The following ACYP2 variants were observed in gnomAD, a reference collection of about 807,000 sequenced individuals.
ACYP2 encodes the protein acylphosphatase-2.
Under a neutral mutation model 11.2 loss-of-function variants are expected in ACYP2, and 12 were observed. The observed-to-expected ratio is 1.08, with a 90% confidence interval of 0.69 to 1.74. The LOEUF (loss-of-function observed/expected upper bound fraction) is 1.74. Ranked by LOEUF, ACYP2 falls within the 40% of genes most tolerant of loss-of-function variation. The pLI is 0.00. For synonymous variants in ACYP2, 43 were observed against 32.2 expected (o/e 1.33, Z -1.13); for missense variants, 134 against 101.9 (o/e 1.31, Z -1.35).
intron 4 of ACYP2, among the ~76,000 whole-genome samples, chr2:54,067,031 C>T (rs1676786454): frequency 6.6e-6 from 1 of 152,174 alleles, no homozygotes; most frequent in African/African-American, 2.4e-5. Context: ...ATGTCAGAGC[C>T]TCTGTCTCCT....
chr2:54,065,986 G>T (rs560390536), intron 4 of ACYP2: 1 of 152,584 alleles, frequency 6.6e-6, no homozygotes, highest in East Asian at 1.9e-4. Context: ...ATTTTTATTT[G>T]TTGTGCACTT....
chr2:54,016,825 A>C (rs1673712320), intron 2 of ACYP2, among the ~76,000 whole-genome samples: 1 of 148,642 alleles, frequency 6.7e-6, no homozygotes, highest in Admixed American at 6.9e-5. Context: ...TCCTGGGTTC[A>C]CGCCATTCTC....
chr2:54,114,239 G>A (rs1272923463), intron 4 of ACYP2, among the ~76,000 whole-genome samples: 1 of 152,152 alleles, frequency 6.6e-6, no homozygotes, highest in Non-Finnish European at 1.5e-5. Flanking sequence ...CTAGAAGGTG[G>A]CAGATTATCA....
At chr2:54,145,645 C>G (rs1290813472) in intron 6 of ACYP2, among the ~76,000 whole-genome samples, 1 of 151,948 alleles carries the variant, frequency 6.6e-6, no homozygotes, top group African/African-American at 2.4e-5. Flanking sequence ...GTATTTAAAG[C>G]AAATTTCCGG....
chr2:54,017,058 C>T (rs1373542675), intron 2 of ACYP2, among the ~76,000 whole-genome samples: 1 of 145,424 alleles, frequency 6.9e-6, no homozygotes, highest in Non-Finnish European at 1.5e-5. Flanking sequence ...CTTGCTGATT[C>T]TCACATGGCA....
At chr2:54,068,234 A>G (rs1200012214) in intron 4 of ACYP2, among the ~76,000 whole-genome samples, 2 of 152,208 alleles carry the variant, frequency 1.3e-5, no homozygotes, top group East Asian at 3.9e-4. Context: ...GGGTTTGTAC[A>G]GTCCTATCCA....
rs1684570582 is a variant in ACYP2, at chr2:54,197,940, T to TTG, written c.404+59193_404+59194insGT. On this transcript the variant is annotated intron_variant, in intron 6 of 6. Coordinates refer to ENST00000607452, the MANE Select transcript of ACYP2 (RefSeq NM_001320586.2). Reference sequence around the variant, plus strand: ...TTATTTTATTTTATTTATGTATGTATTATATTGTATTGTATTGTATTGTAT... The same window carrying TTG: ...TTATTTTATTTTATTTATGTATGTATTGTATATTGTATTGTATTGTATTGTAT... Among the ~76,000 whole-genome samples the TTG allele has an allele frequency of 2.2e-3, 167 of 75,554 alleles. 4 individuals carry two copies. Among genetic ancestry groups the TTG allele is most frequent in the East Asian group, 5.2e-3 (14 of 2,684 alleles). 49.6% of individuals were successfully genotyped at this position (75,554 alleles called of 152,430 possible).
At chr2:54,266,165 A>G (rs988676679) in intron 6 of ACYP2, among the ~76,000 whole-genome samples, 2 of 152,222 alleles carry the variant, frequency 1.3e-5, no homozygotes, top group African/African-American at 4.8e-5. Flanking sequence ...GAAACCTCAT[A>G]TACTAGAACT....
chr2:54,058,351 G>A (rs1046798157), intron 4 of ACYP2, among the ~76,000 whole-genome samples: 3 of 148,324 alleles, frequency 2.0e-5, no homozygotes, highest in African/African-American at 7.4e-5. Flanking sequence ...CCTCAGCTGT[G>A]CTTCCCAGGG....
At chr2:54,105,668 T>C (rs1679117830) in intron 4 of ACYP2, among the ~76,000 whole-genome samples, 1 of 151,950 alleles carries the variant, frequency 6.6e-6, no homozygotes. Flanking sequence ...CTAATTTTTG[T>C]ATTTTTTGTG....
rs557751764 is a variant in ACYP2 at position 54,107,863 on chromosome 2, G to A, written c.278-27590G>A. On this transcript the variant is annotated intron_variant, in intron 4 of 6. Transcript: ENST00000607452. ...TTTACTGCAGAACTGGGCCATCAAG[G>A]GATCTACTGATCCTGCAATAGGAAA... Among the ~76,000 whole-genome samples the A allele has an allele frequency of 7.9e-5, 12 of 152,242 alleles. 1 individual carries two copies. In the South Asian group the frequency reaches 2.5e-3, roughly 32 times the overall value.
intron 4 of ACYP2, among the ~76,000 whole-genome samples, chr2:54,099,148 T>C (rs1017291427): frequency 3.3e-5 from 5 of 152,260 alleles, no homozygotes; most frequent in African/African-American, 1.2e-4. Context: ...CTGTTTCTTG[T>C]TTATTTTTTA....
chr2:54,060,924 C>G (rs190044040), intron 4 of ACYP2, among the ~76,000 whole-genome samples: 1 of 152,144 alleles, frequency 6.6e-6, no homozygotes, highest in East Asian at 1.9e-4. Context: ...TATTCATTTC[C>G]TACCTGCCCT....
rs148297219 is a variant in ACYP2 at position 54,069,330 on chromosome 2, T to TC, written c.277+11973dup. ...GCCTGAAATTTCTCACCCCCTACTTTCCCAAGAACTTGCATAAACATCTCC... is the reference window on the plus strand; with the variant it reads ...GCCTGAAATTTCTCACCCCCTACTTTCCCCAAGAACTTGCATAAACATCTCC... On this transcript the variant is annotated intron_variant, in intron 4 of 6. Coordinates refer to ENST00000607452, the MANE Select transcript of ACYP2 (RefSeq NM_001320586.2). Among the ~76,000 whole-genome samples, 1,454 of 152,060 alleles carry TC rather than the reference T, an allele frequency of 9.6e-3. 19 individuals carry two copies. Among genetic ancestry groups the TC allele is most frequent in the African/African-American group, 0.032 (1,331 of 41,480 alleles).
At chr2:54,071,015 G>A (rs1033524374) in intron 4 of ACYP2, among the ~76,000 whole-genome samples, 4 of 152,084 alleles carry the variant, frequency 2.6e-5, no homozygotes, top group Non-Finnish European at 5.9e-5. Context: ...GCCTCCCAAA[G>A]TGCTGGGATT....
chr2:54,083,916 C>A (rs1007993585), intron 4 of ACYP2, among the ~76,000 whole-genome samples: 2 of 151,968 alleles, frequency 1.3e-5, no homozygotes, highest in Non-Finnish European at 2.9e-5. Context: ...AAAGAGAATG[C>A]AAGATTACAA....
At chr2:54,045,271 C>T (rs1434987527) in intron 2 of ACYP2, among the ~76,000 whole-genome samples, 1 of 152,106 alleles carries the variant, frequency 6.6e-6, no homozygotes, top group Non-Finnish European at 1.5e-5. Context: ...TTAAAAACCC[C>T]AGCCTACAAT....
At position 53,995,269 on chromosome 2, in the gene ACYP2, T is replaced by G. The variant is rs7605786; in HGVS notation, c.62+21459T>G. On this transcript the variant is annotated intron_variant, in intron 2 of 6. Transcript: ENST00000607452. ...TCCTCTAAATAGAGAAATGTCCAAA[T>G]AGCTACTTTAGTCTCTTCTTTAATC... is the stretch of plus-strand genomic sequence containing the variant. 8.4e-3 allele frequency among the ~76,000 whole-genome samples: 1,285 copies of G among 152,250 alleles called. 25 individuals carry two copies. The highest frequency in any genetic ancestry group is 0.029 in the African/African-American group (1,203 of 41,542).
chr2:54,280,263 C>G (rs965555476), intron 6 of ACYP2, among the ~76,000 whole-genome samples: 1 of 152,142 alleles, frequency 6.6e-6, no homozygotes, highest in African/African-American at 2.4e-5. Context: ...AAGAGGACAT[C>G]ATGGTTGATT....
Sources: allele counts gnomAD v4.1 joint callset (sites outside exome capture counted in the v4.1 genomes callset), GRCh38; gene constraint gnomAD v4.1.1; transcripts MANE v1.5; gene names NCBI Gene and HGNC (gene_info 2026-07-23, HGNC 2026-07-21).